Variants in LNX1 observed in about 807,000 individuals in gnomAD.
LNX1 encodes the protein ligand of numb-protein X 1.
LNX1 carries 54 observed loss-of-function variants against 68.4 expected under a neutral mutation model. The ratio of observed to expected loss-of-function variants is 0.79; its 90% CI spans 0.63 to 0.99. LNX1 has a LOEUF of 0.99. Among genes scored for constraint, LNX1 ranks in the 50% least tolerant of loss-of-function variants. LNX1 has a pLI of 0.00. For synonymous variants in LNX1, 336 were observed against 350.0 expected, an observed-to-expected ratio of 0.96 and a Z score of 0.45; for missense variants, 906 against 926.4, an observed-to-expected ratio of 0.98 and a Z score of 0.29.
intron 2 of LNX1, among the ~76,000 whole-genome samples, chr4:53,530,919 C>A (rs1244104900): frequency 3.3e-5 from 5 of 152,038 alleles, no homozygotes; most frequent in African/African-American, 1.2e-4. Flanking sequence ...ATCCCAGCAC[C>A]CTGGGAGGCT....
At chr4:53,587,794 C>G (rs1317839166) in intron 1 of LNX1, among the ~76,000 whole-genome samples, 1 of 152,178 alleles carries the variant, frequency 6.6e-6, no homozygotes, top group Non-Finnish European at 1.5e-5. Context: ...CAGGAAATCA[C>G]CGCTCCAGGA....
rs562092501 is a variant in LNX1, at chr4:53,613,207, C to A, written c.-215+3310G>T. 3.3e-5 allele frequency among the ~76,000 whole-genome samples: 5 copies of A among 151,966 alleles called. No individual in the cohort carries two copies. The East Asian group carries it at 9.6e-4, about 29-fold the overall frequency. On this transcript the variant is annotated intron_variant, in intron 2 of 3. Transcript: ENST00000504299. ...GAATAAAAAGACCCCCTACACATAA[C>A]TGTACACATGAACATATGTTTAAAT...
intron 1 of LNX1, among the ~76,000 whole-genome samples, chr4:53,588,250 A>G (rs969626372): frequency 1.3e-5 from 2 of 152,194 alleles, no homozygotes; most frequent in Non-Finnish European, 2.9e-5. Context: ...TAGCAACTAC[A>G]TGGTAGAACT....
rs546891306 is a variant in LNX1, at chr4:53,499,798, G to C, written c.776-955C>G. ...TGGAAGAGGCCTGATTCATGATCAAGAAGAGGCCAAGGCCTAGTTGGTGGC... is the reference window on the plus strand; with the variant it reads ...TGGAAGAGGCCTGATTCATGATCAACAAGAGGCCAAGGCCTAGTTGGTGGC... On this transcript the variant is annotated intron_variant, in intron 4 of 10. Transcript: ENST00000263925. Among the ~76,000 whole-genome samples the C allele has an allele frequency of 2.9e-4, 44 of 152,340 alleles. No individual in the cohort carries two copies. In the South Asian group the frequency reaches 8.5e-3, roughly 29 times the overall value.
At chr4:53,487,840 A>G (rs1288365143) in intron 6 of LNX1, among the ~76,000 whole-genome samples, 3 of 152,296 alleles carry the variant, frequency 2.0e-5, no homozygotes, top group South Asian at 4.1e-4. Context: ...TGCATTCCTC[A>G]TTGGTTTCTT....
At chr4:53,631,044 T>C (rs1734250104) in intron 1 of LNX1, among the ~76,000 whole-genome samples, 2 of 152,184 alleles carry the variant, frequency 1.3e-5, no homozygotes, top group Non-Finnish European at 2.9e-5. Flanking sequence ...TAAGTGCTCC[T>C]GGGCCAAAAG....
chr4:53,618,909 T>C (rs1346829724), upstream of LNX1, among the ~76,000 whole-genome samples: 8 of 152,192 alleles, frequency 5.3e-5, no homozygotes, highest in Admixed American at 4.6e-4. Context: ...GTTTTTTTTA[T>C]ATGTATACAT....
chr4:53,484,004 C>G (rs1373806600), intron 6 of LNX1, among the ~76,000 whole-genome samples: 2 of 152,140 alleles, frequency 1.3e-5, no homozygotes, highest in Non-Finnish European at 2.9e-5. Context: ...AAGGGGATTA[C>G]AGCCCTTATG....
At chr4:53,548,214 C>G (rs919155182) in intron 2 of LNX1, among the ~76,000 whole-genome samples, 3 of 152,054 alleles carry the variant, frequency 2.0e-5, no homozygotes, top group Non-Finnish European at 4.4e-5. Flanking sequence ...AGAAGTAGAC[C>G]ATTTCCTGCC....
chr4:53,486,158 G>A (rs190382978), intron 6 of LNX1, among the ~76,000 whole-genome samples: 2 of 152,288 alleles, frequency 1.3e-5, no homozygotes, highest in African/African-American at 4.8e-5. Context: ...CCTCCCAAGA[G>A]CTGAAGCATT....
At chr4:53,547,382 A>T (rs75895214) in intron 2 of LNX1, among the ~76,000 whole-genome samples, 7,992 of 152,292 alleles carry the variant, frequency 0.052, 370 homozygotes, top group African/African-American at 0.12. Context: ...GGTAAGTGTT[A>T]TTCCCATTTA....
At chr4:53,465,171 T>C (rs1235660213) in intron 9 of LNX1, among the ~76,000 whole-genome samples, 2 of 152,176 alleles carry the variant, frequency 1.3e-5, no homozygotes, top group Non-Finnish European at 2.9e-5. Flanking sequence ...ATATTGAATA[T>C]AATTTGGCAA....
chr4:53,601,131 G>A (rs1732997214), intron 2 of LNX1, among the ~76,000 whole-genome samples: 1 of 151,674 alleles, frequency 6.6e-6, no homozygotes, highest in African/African-American at 2.4e-5. Context: ...AAATATCTGA[G>A]AAGAGGCTTG....
chr4:53,510,255 CATGGGGATATCTTTGGTGTTTGGGGATT>C (rs1471698652), intron 2 of LNX1, among the ~76,000 whole-genome samples: 6 of 152,198 alleles, frequency 3.9e-5, no homozygotes, highest in African/African-American at 1.4e-4. Flanking sequence ...ATCTATGCAT[CATGGGGATATCTTTGGTGTTTGGGGATT>C]ATTTAACTGA....
intron 1 of LNX1, among the ~76,000 whole-genome samples, chr4:53,577,087 G>A (rs983715589): frequency 1.3e-5 from 2 of 152,188 alleles, no homozygotes; most frequent in African/African-American, 2.4e-5. Context: ...GTTGTTTCAA[G>A]GAAATCTGTA....
intron 1 of LNX1, among the ~76,000 whole-genome samples, chr4:53,616,857 A>G (rs1733699329): frequency 6.6e-6 from 1 of 152,142 alleles, no homozygotes; most frequent in South Asian, 2.1e-4. Context: ...TTTAGCAAAC[A>G]CCCTGGCTTG....
chr4:53,506,043 A>ATGAAT, intron 4 of LNX1, among the ~76,000 whole-genome samples: 2 of 152,356 alleles, frequency 1.3e-5, no homozygotes, highest in South Asian at 4.1e-4. Context: ...AAGGCTGCTC[A>ATGAAT]TGAATTTTGA....
intron 1 of LNX1, among the ~76,000 whole-genome samples, chr4:53,647,968 T>C (rs1320314541): frequency 2.0e-5 from 3 of 152,274 alleles, no homozygotes; most frequent in Admixed American, 1.3e-4. Flanking sequence ...GCTGAATTTA[T>C]CCCATTGTAT....
At chr4:53,546,149 G>A (rs1022560585) in intron 2 of LNX1, among the ~76,000 whole-genome samples, 3 of 152,166 alleles carry the variant, frequency 2.0e-5, no homozygotes, top group African/African-American at 7.2e-5. Context: ...GCTTGTTAAT[G>A]TTTCATGACT....
Sources: gnomAD v4.1 joint callset for allele counts (sites outside exome capture counted in the v4.1 genomes callset) on GRCh38, gnomAD v4.1.1 for gene constraint, MANE v1.5 for transcripts, NCBI Gene and HGNC (gene_info 2026-07-23, HGNC 2026-07-21) for gene names.